PTBP2: variants seen among roughly 807,000 people sequenced by gnomAD.
PTBP2 encodes the protein polypyrimidine tract-binding protein 2.
PTBP2 carries 13 observed loss-of-function variants against 61.4 expected under a neutral mutation model. The observed-to-expected ratio is 0.21, with a 90% CI of 0.14 to 0.34. PTBP2 has a LOEUF of 0.34. Among genes scored for constraint, PTBP2 ranks in the 10% least tolerant of loss-of-function variants. The pLI is 1.00. For missense variants in PTBP2, 405 were observed against 642.6 expected (o/e 0.63, Z 4.00); for synonymous variants, 215 against 218.5 (o/e 0.98, Z 0.14).
chr1:96,765,073 C>A (rs1159204754), intron 3 of PTBP2, among the ~76,000 whole-genome samples: 1 of 152,110 alleles, frequency 6.6e-6, no homozygotes, highest in Non-Finnish European at 1.5e-5. Context: ...GAATTTGTTT[C>A]TCATACAGGA....
chr1:96,789,857 C>T (rs1029848645), intron 8 of PTBP2, among the ~76,000 whole-genome samples: 8 of 152,052 alleles, frequency 5.3e-5, no homozygotes, highest in African/African-American at 1.9e-4. Flanking sequence ...ACCATAGTAT[C>T]TCTAAAATAA....
intron 3 of PTBP2, among the ~76,000 whole-genome samples, chr1:96,760,645 C>T (rs989365271): frequency 6.6e-6 from 1 of 151,952 alleles, no homozygotes; most frequent in Non-Finnish European, 1.5e-5. Context: ...CTGGGTTTCG[C>T]CATGTTGGCC....
intron 5 of PTBP2, among the ~76,000 whole-genome samples, chr1:96,775,183 A>G (rs903917486): frequency 6.6e-6 from 1 of 152,194 alleles, no homozygotes; most frequent in Non-Finnish European, 1.5e-5. Context: ...GGCTAAAATT[A>G]AAAGGATAGG....
Position 96,770,990 on chromosome 1 carries a change from G to A in PTBP2, c.432+139G>A, listed in dbSNP as rs919392939. 19 of 689,144 alleles carry A rather than the reference G, an allele frequency of 2.8e-5. No homozygotes were observed. The East Asian group carries it at 4.8e-4, about 18-fold the overall frequency. 42.7% of individuals were successfully genotyped at this position (689,144 alleles called of 1,614,324 possible). A position where few individuals can be genotyped will look rare whatever the true frequency, so the allele number is the denominator to read the frequency against. ...GTTATTTTTAAGGTATTTTCATGCA[G>A]AATGTTTCTAAGTATTAAATACTAT... On this transcript the variant is annotated intron_variant, in intron 5 of 13. Transcript: ENST00000674951.
intron 2 of PTBP2, among the ~76,000 whole-genome samples, chr1:96,733,276 C>T (rs1484778067): frequency 2.0e-5 from 3 of 151,758 alleles, no homozygotes; most frequent in African/African-American, 4.9e-5. Context: ...CCTCCGTTTC[C>T]CACTTACAGG....
chr1:96,805,790 T>A (rs1290584065), intron 9 of PTBP2, among the ~76,000 whole-genome samples: 1 of 152,266 alleles, frequency 6.6e-6, no homozygotes, highest in Non-Finnish European at 1.5e-5. Flanking sequence ...CCTTTGTTTT[T>A]ATTTTAAGAC....
intron 11 of PTBP2, 89 bp downstream of exon 11, chr1:96,807,047 C>A: frequency 1.1e-6 from 1 of 941,132 alleles, no homozygotes; most frequent in Non-Finnish European, 1.6e-6. Context: ...AACTCCTTTA[C>A]ATCAGTAAGA....
At chr1:96,778,039 T>A in intron 7 of PTBP2, 93 bp downstream of exon 7, 6 of 511,044 alleles carry the variant, frequency 1.2e-5, no homozygotes, top group Non-Finnish European at 1.9e-5. Context: ...TGATATCTTG[T>A]AGCATTACAG....
At chr1:96,746,829 CTG>C (rs1405994803) in intron 2 of PTBP2, among the ~76,000 whole-genome samples, 31,800 of 133,470 alleles carry the variant, frequency 0.24, 6,074 homozygotes, top group East Asian at 0.28. Context: ...GTCTGTCTGT[CTG>C]TCTGTCTCCC....
intron 11 of PTBP2, among the ~76,000 whole-genome samples, chr1:96,809,260 C>A (rs762121144): frequency 2.0e-5 from 3 of 152,016 alleles, no homozygotes; most frequent in Non-Finnish European, 2.9e-5. Flanking sequence ...ACAAATGATA[C>A]AATACAATTA....
At chr1:96,767,804 C>T (rs1432126448) in intron 3 of PTBP2, among the ~76,000 whole-genome samples, 1 of 152,054 alleles carries the variant, frequency 6.6e-6, no homozygotes, top group East Asian at 1.9e-4. Flanking sequence ...GCCCTGTGCG[C>T]ACACAAATCT....
At chr1:96,768,253 T>G (rs1462866464) in intron 3 of PTBP2, among the ~76,000 whole-genome samples, 2 of 152,048 alleles carry the variant, frequency 1.3e-5, no homozygotes, top group African/African-American at 4.8e-5. Flanking sequence ...GTTCACTCTC[T>G]GTACCCTCAG....
In PTBP2 at chr1:96,813,498, T is replaced by C. The variant is rs1053598582; in HGVS notation, c.*93T>C. 1 of 1,262,958 alleles carries C rather than the reference T, an allele frequency of 7.9e-7. No homozygotes were observed. The highest frequency in any genetic ancestry group is 2.9e-5 in the Admixed American group (1 of 34,884). 78.2% of individuals were successfully genotyped at this position (1,262,958 alleles called of 1,614,324 possible). On this transcript the variant is annotated 3_prime_UTR_variant, in exon 14 of 14. Coordinates refer to ENST00000674951, the MANE Select transcript of PTBP2 (RefSeq NM_021190.4). ...AAAGTGGGGACCAGAGTTTGATTTT[T>C]TTTGTTTTTGTTTTTTTGGGGTTTC... is the stretch of plus-strand genomic sequence containing the variant.
chr1:96,805,503 C>A (rs553637089), intron 9 of PTBP2, among the ~76,000 whole-genome samples: 1 of 151,738 alleles, frequency 6.6e-6, no homozygotes. Context: ...TATTCCCCCA[C>A]CCCTTCCTTC....
chr1:96,792,816 A>G (rs892839857), intron 8 of PTBP2, among the ~76,000 whole-genome samples: 3 of 152,162 alleles, frequency 2.0e-5, no homozygotes, highest in Non-Finnish European at 4.4e-5. Flanking sequence ...TATTTTTTCA[A>G]AATCCTTTTC....
chr1:96,771,895 T>C (rs1388857670), intron 5 of PTBP2, among the ~76,000 whole-genome samples: 1 of 152,192 alleles, frequency 6.6e-6, no homozygotes, highest in Non-Finnish European at 1.5e-5. Flanking sequence ...TTAGCTATTT[T>C]GGAAGTATAC....
chr1:96,722,820 G>A (rs578158673), intron 1 of PTBP2, among the ~76,000 whole-genome samples: 1 of 152,284 alleles, frequency 6.6e-6, no homozygotes, highest in South Asian at 2.1e-4. Context: ...ACTGTGAAAT[G>A]GTAGGGACCG....
intron 9 of PTBP2, 42 bp downstream of exon 9, chr1:96,804,981 T>A (rs1230822739): frequency 7.0e-7 from 1 of 1,434,458 alleles, no homozygotes; most frequent in South Asian, 1.6e-5. Flanking sequence ...TAACTCCATT[T>A]CATTTGTGAA....
intron 2 of PTBP2, among the ~76,000 whole-genome samples, chr1:96,740,418 G>C (rs933649500): frequency 2.0e-5 from 3 of 152,052 alleles, no homozygotes; most frequent in African/African-American, 7.2e-5. Flanking sequence ...TCTCATAAAG[G>C]CATTAATCCC....
Sources: gnomAD v4.1 joint callset for allele counts (sites outside exome capture counted in the v4.1 genomes callset) on GRCh38, gnomAD v4.1.1 for gene constraint, MANE v1.5 for transcripts, NCBI Gene and HGNC (gene_info 2026-07-23, HGNC 2026-07-21) for gene names.